Variants in TMPRSS4 observed in about 807,000 individuals in gnomAD.
TMPRSS4 encodes transmembrane serine protease 4.
Under a neutral mutation model 56.4 loss-of-function variants are expected in TMPRSS4, and 45 were observed. That is an observed-to-expected ratio of 0.80 (90% confidence interval 0.63 to 1.02). TMPRSS4 has a LOEUF of 1.02. TMPRSS4 is among the 50% of genes least tolerant of loss of function. The probability of loss-of-function intolerance (pLI) is 0.00; values close to 1 mark genes in which losing one functional copy is unlikely to be tolerated. For synonymous variants in TMPRSS4, 205 were observed against 211.0 expected, an observed-to-expected ratio of 0.97 and a Z score of 0.25; for missense variants, 546 against 556.7, an observed-to-expected ratio of 0.98 and a Z score of 0.19.
chr11:118,102,903 C>T (rs537551254), intron 3 of TMPRSS4, 198 bp from the exon 4 acceptor site: 8 of 631,170 alleles, frequency 1.3e-5, no homozygotes, highest in East Asian at 2.7e-5. Context: ...GGGGTGGGGC[C>T]GGTGTTACTA....
At chr11:118,099,634 G>A (rs1474128637) in intron 3 of TMPRSS4, among the ~76,000 whole-genome samples, 3 of 152,136 alleles carry the variant, frequency 2.0e-5, no homozygotes, top group South Asian at 2.1e-4. Flanking sequence ...AGTGGCATAT[G>A]TTCCTAACCC....
At chr11:118,103,720 CT>C (rs1946850341) in intron 4 of TMPRSS4, among the ~76,000 whole-genome samples, 1 of 152,164 alleles carries the variant, frequency 6.6e-6, no homozygotes, top group African/African-American at 2.4e-5. Context: ...TCTTGTCTAC[CT>C]TTAAATCCTA....
At chr11:118,125,442 C>A (rs1947870004), downstream of TMPRSS4, 2 of 440,678 alleles carry the variant, frequency 4.5e-6, no homozygotes, top group South Asian at 3.2e-5. Flanking sequence ...TGCCTTACAG[C>A]CCCTGTCCCC....
At chr11:118,082,993 G>A (rs1310910782) in intron 1 of TMPRSS4, among the ~76,000 whole-genome samples, 1 of 152,146 alleles carries the variant, frequency 6.6e-6, no homozygotes, top group Non-Finnish European at 1.5e-5. Context: ...GAGAAAAACA[G>A]AGCTGCAGTG....
chr11:118,125,035 G>A (rs898426290), downstream of TMPRSS4, among the ~76,000 whole-genome samples: 1 of 152,152 alleles, frequency 6.6e-6, no homozygotes, highest in Non-Finnish European at 1.5e-5. Context: ...CACTACCACT[G>A]GTCTTCCCCT....
chr11:118,079,320 C>A (rs980383146), intron 1 of TMPRSS4, among the ~76,000 whole-genome samples: 1 of 152,184 alleles, frequency 6.6e-6, no homozygotes, highest in Non-Finnish European at 1.5e-5. Flanking sequence ...CCATTCCCTA[C>A]CTCCTTCCAT....
chr11:118,098,470 G>A (rs192100951), intron 2 of TMPRSS4, among the ~76,000 whole-genome samples: 1 of 152,350 alleles, frequency 6.6e-6, no homozygotes. Context: ...GACCAGGCTA[G>A]GGACTTGCTG....
At chr11:118,090,415 T>C (rs1299456342) in intron 1 of TMPRSS4, among the ~76,000 whole-genome samples, 1 of 152,136 alleles carries the variant, frequency 6.6e-6, no homozygotes, top group Non-Finnish European at 1.5e-5. Flanking sequence ...ATTTTTTCTT[T>C]CTCTCTTTTG....
intron 2 of TMPRSS4, among the ~76,000 whole-genome samples, chr11:118,097,988 T>C (rs1384778264): frequency 6.6e-6 from 1 of 152,180 alleles, no homozygotes; most frequent in Non-Finnish European, 1.5e-5. Flanking sequence ...CAGGCTGGTC[T>C]TGAACTCCTG....
chr11:118,113,436 G>C lies in TMPRSS4; in HGVS notation c.910+1G>C. 1 of 1,613,824 alleles carries C rather than the reference G, an allele frequency of 6.2e-7. No individual in the cohort carries two copies. Among genetic ancestry groups the C allele is most frequent in the Non-Finnish European group, 8.5e-7 (1 of 1,179,840 alleles). ...CTGCAGTTCCCACTCACTTTCTCAG[G>C]TGAGAAGCAGGGCCCAAGGCCACTC... On this transcript the variant is annotated splice_donor_variant, in intron 9 of 12. Transcript: ENST00000437212. LOFTEE classifies it high-confidence loss of function.
downstream of TMPRSS4, among the ~76,000 whole-genome samples, chr11:118,123,309 G>T (rs1947829335): frequency 6.6e-6 from 1 of 152,120 alleles, no homozygotes; most frequent in South Asian, 2.1e-4. Context: ...CCTTCATGTT[G>T]CATCATCTAA....
intron 1 of TMPRSS4, among the ~76,000 whole-genome samples, chr11:118,085,226 C>CA (rs763406156): frequency 1.4e-5 from 2 of 141,856 alleles, no homozygotes; most frequent in Non-Finnish European, 3.1e-5. Flanking sequence ...TCTTCTTCTT[C>CA]TTTTTTTTTT....
intron 3 of TMPRSS4, among the ~76,000 whole-genome samples, chr11:118,099,487 A>AAGAAAGAAAGAG (rs1946621180): frequency 2.0e-5 from 3 of 151,278 alleles, no homozygotes; most frequent in Non-Finnish European, 4.4e-5. Context: ...AAGAAAAAGA[A>AAGAAAGAAAGAG]AGAAAGAAAG....
chr11:118,090,651 G>T (rs1429635857), intron 1 of TMPRSS4, among the ~76,000 whole-genome samples: 1 of 150,776 alleles, frequency 6.6e-6, no homozygotes, highest in African/African-American at 2.4e-5. Flanking sequence ...GATGGTGCAT[G>T]CCTGTAGTCC....
downstream of TMPRSS4, among the ~76,000 whole-genome samples, chr11:118,122,306 A>G (rs1007386949): frequency 6.6e-6 from 1 of 152,258 alleles, no homozygotes; most frequent in Non-Finnish European, 1.5e-5. Context: ...ACCAGGTTAC[A>G]GAACCATTAA....
At chr11:118,086,903 G>C (rs1945596743) in intron 1 of TMPRSS4, 1 of 152,736 alleles carries the variant, frequency 6.5e-6, no homozygotes, top group Admixed American at 6.5e-5. Context: ...AGCAGAGTGA[G>C]GCTCCCTCAG....
intron 1 of TMPRSS4, among the ~76,000 whole-genome samples, chr11:118,090,509 G>T (rs1945862943): frequency 6.6e-6 from 1 of 151,666 alleles, no homozygotes; most frequent in Admixed American, 6.6e-5. Flanking sequence ...AGGCATTGTG[G>T]CTCACACCTG....
Position 118,113,282 on chromosome 11 carries a change from G to A in TMPRSS4, c.757G>A (p.Val253Met), listed in dbSNP as rs754388409. The change falls in exon 9 of 13, where the codon GTG becomes ATG. Residue 253 changes from valine (V) to methionine (M), a missense_variant. Physicochemically the swap from Val to Met is conservative, Grantham distance 21. Transcript: ENST00000437212. Reference protein sequence around the residue: ...AAHCFRKHTDVFNWKVRAGSD... With the variant: ...AAHCFRKHTDMFNWKVRAGSD... The stretch of plus-strand genomic sequence containing the variant: ...CTCTACCCCCAGGAAACATACCGAT[G>A]TGTTCAACTGGAAGGTGCGGGCAGG... 1.9e-6 allele frequency: 3 copies of A among 1,613,868 alleles called. No individual in the cohort carries two copies. The highest frequency in any genetic ancestry group is 1.7e-6 in the Non-Finnish European group (2 of 1,179,978).
intron 1 of TMPRSS4, among the ~76,000 whole-genome samples, chr11:118,085,226 C>CTTT (rs67063759): frequency 0.26 from 37,370 of 141,532 alleles, 5,443 homozygotes; most frequent in East Asian, 0.5. Flanking sequence ...TCTTCTTCTT[C>CTTT]TTTTTTTTTT....
Sources: gnomAD v4.1 joint callset for allele counts (sites outside exome capture counted in the v4.1 genomes callset) on GRCh38, gnomAD v4.1.1 for gene constraint, MANE v1.5 for transcripts, NCBI Gene and HGNC (gene_info 2026-07-23, HGNC 2026-07-21) for gene names.